Variants in MED6 observed in about 807,000 individuals in gnomAD.
MED6 encodes mediator of RNA polymerase II transcription subunit 6.
A neutral mutation model predicts 37.5 loss-of-function variants in MED6; 33 were observed. The observed-to-expected ratio is 0.88, with a 90% CI of 0.67 to 1.18. MED6 has a LOEUF of 1.18. Ranked by LOEUF, MED6 falls within the 50% of genes most tolerant of loss-of-function variation. The pLI, the probability that MED6 is intolerant of heterozygous loss-of-function variation, is 0.00. For missense variants in MED6, 235 were observed against 290.6 expected, an observed-to-expected ratio of 0.81 and a Z score of 1.39; for synonymous variants, 94 against 93.6, an observed-to-expected ratio of 1.00 and a Z score of -0.02.
At chr14:70,600,541 C>T (rs945422541) in intron 1 of MED6, 75 bp downstream of exon 1, 29 of 1,564,810 alleles carry the variant, frequency 1.9e-5, no homozygotes, top group African/African-American at 2.7e-5. Context: ...GAACCTAAAC[C>T]TTGAAACCGC....
At chr14:70,597,474 C>T in intron 2 of MED6, 144 bp downstream of exon 2, 1 of 509,756 alleles carries the variant, frequency 2.0e-6, no homozygotes. Flanking sequence ...AGTTACCCTG[C>T]ATGTCAAATT....
At chr14:70,590,073 T>C (rs1884824386) in intron 6 of MED6, among the ~76,000 whole-genome samples, 1 of 152,230 alleles carries the variant, frequency 6.6e-6, no homozygotes, top group African/African-American at 2.4e-5. Context: ...ACATTCTTTT[T>C]CATACAAGTC....
chr14:70,595,254 A>T, intron 3 of MED6: 1 of 546,670 alleles, frequency 1.8e-6, no homozygotes, highest in Non-Finnish European at 3.6e-6. Context: ...ATGAAGGTAG[A>T]TACCCCCAAA....
At position 70,598,050 on chromosome 14, in the gene MED6, T is replaced by G. The variant is rs79180225; in HGVS notation, c.23-273A>C. On this transcript the variant is annotated intron_variant, in intron 1 of 7. Transcript: ENST00000256379. ...GTGGCTCAGCCTGTAATGCCAGCAC[T>G]TTAGGGGGCTGAGGTAGGTGGATCA... Among the ~76,000 whole-genome samples, 1,271 of 152,132 alleles carry G rather than the reference T, an allele frequency of 8.4e-3. 20 individuals are homozygous for G. The highest frequency in any genetic ancestry group is 0.028 in the African/African-American group (1,152 of 41,498).
At chr14:70,592,754 A>T in intron 5 of MED6, 126 bp downstream of exon 5, 8 of 1,018,972 alleles carry the variant, frequency 7.9e-6, no homozygotes, top group Non-Finnish European at 1.1e-5. Flanking sequence ...CAGCTGCAAC[A>T]AAGCCATCAT....
At position 70,584,592 on chromosome 14, in the gene MED6, TC is replaced by T; in HGVS notation, c.*220del. On this transcript the variant is annotated 3_prime_UTR_variant, in exon 8 of 8. Coordinates refer to ENST00000256379, the MANE Select transcript of MED6 (RefSeq NM_005466.4). ...GGTTTCACCATATTGGTCAGGCTGG[TC>T]TTGAACTTCTGACCTCAAGTGATCC... 2.2e-6 allele frequency: 1 copy of T among 458,216 alleles called. No individual in the cohort carries two copies. Among genetic ancestry groups the T allele is most frequent in the Non-Finnish European group, 3.8e-6 (1 of 264,478 alleles). The allele number at this position is 458,216 out of a possible 1,614,324, so 28.4% of individuals were successfully genotyped here. A position where few individuals can be genotyped will look rare whatever the true frequency, so the allele number is the denominator to read the frequency against.
At chr14:70,590,701 T>C (rs1330813634) in intron 6 of MED6, among the ~76,000 whole-genome samples, 2 of 152,218 alleles carry the variant, frequency 1.3e-5, no homozygotes, top group South Asian at 2.1e-4. Flanking sequence ...TTTAGTAGAA[T>C]GGCAGGTGGA....
At chr14:70,589,293 C>T (rs1412370206) in intron 6 of MED6, among the ~76,000 whole-genome samples, 1 of 152,186 alleles carries the variant, frequency 6.6e-6, no homozygotes, top group Non-Finnish European at 1.5e-5. Context: ...CCTATGGCCA[C>T]AGAATTCAAG....
At chr14:70,585,872 T>C (rs902848185) in intron 6 of MED6, 89 bp from the exon 7 acceptor site, 7 of 1,020,572 alleles carry the variant, frequency 6.9e-6, no homozygotes, top group African/African-American at 3.3e-5. Flanking sequence ...CCTGATGTCA[T>C]ATTAATAAAA....
intron 5 of MED6, chr14:70,592,603 C>T (rs117792642): frequency 0.024 from 5,656 of 234,366 alleles, 95 homozygotes; most frequent in Middle Eastern, 0.043. Flanking sequence ...GCTGGGATTA[C>T]AGGAGTGAGC....
chr14:70,590,653 T>C (rs1884841299), intron 6 of MED6, among the ~76,000 whole-genome samples: 1 of 152,246 alleles, frequency 6.6e-6, no homozygotes, highest in African/African-American at 2.4e-5. Context: ...AGCATATTCA[T>C]CTATTCCATT....
At chr14:70,597,953 ATTAAGTC>A (rs1885092882) in intron 1 of MED6, 176 bp from the exon 2 acceptor site, 1 of 416,850 alleles carries the variant, frequency 2.4e-6, no homozygotes, top group South Asian at 6.1e-5. Flanking sequence ...CAATAACATG[ATTAAGTC>A]TTATGATAAA....
At chr14:70,592,690 T>C (rs1884916343) in intron 5 of MED6, 190 bp downstream of exon 5, 1 of 482,566 alleles carries the variant, frequency 2.1e-6, no homozygotes, top group East Asian at 3.9e-5. Context: ...CAGAGTGAAC[T>C]TGCATCTGTT....
At chr14:70,589,857 T>C (rs907709197) in intron 6 of MED6, among the ~76,000 whole-genome samples, 1 of 152,232 alleles carries the variant, frequency 6.6e-6, no homozygotes, top group Non-Finnish European at 1.5e-5. Flanking sequence ...CACTAACTCA[T>C]GTTTCTGGTT....
intron 6 of MED6, among the ~76,000 whole-genome samples, chr14:70,587,245 G>C (rs1884736647): frequency 6.6e-6 from 1 of 152,164 alleles, no homozygotes; most frequent in Non-Finnish European, 1.5e-5. Flanking sequence ...GATTCTTCCA[G>C]ACTCTGCTGT....
intron 6 of MED6, among the ~76,000 whole-genome samples, chr14:70,588,382 C>G (rs981089865): frequency 3.3e-5 from 5 of 151,942 alleles, no homozygotes; most frequent in African/African-American, 1.2e-4. Context: ...AATCTGCAGT[C>G]TGCTTAAAAA....
At chr14:70,585,855 T>G (rs1884692933) in intron 6 of MED6, 72 bp from the exon 7 acceptor site, 1 of 1,263,564 alleles carries the variant, frequency 7.9e-7, no homozygotes, top group African/African-American at 1.5e-5. Flanking sequence ...TGGCAAAATT[T>G]CTTCTTCCTG....
At chr14:70,599,067 C>T (rs1885127028) in intron 1 of MED6, among the ~76,000 whole-genome samples, 1 of 152,146 alleles carries the variant, frequency 6.6e-6, no homozygotes, top group African/African-American at 2.4e-5. Context: ...ACTGACTGTA[C>T]TGAACACCAC....
intron 3 of MED6, chr14:70,594,849 A>G (rs1884994248): frequency 1.5e-6 from 1 of 654,620 alleles, no homozygotes; most frequent in African/African-American, 1.8e-5. Context: ...ACCTGGACAG[A>G]GTGAGGAGCC....
Sources: gnomAD v4.1 joint callset for allele counts (sites outside exome capture counted in the v4.1 genomes callset) on GRCh38, gnomAD v4.1.1 for gene constraint, MANE v1.5 for transcripts, NCBI Gene and HGNC (gene_info 2026-07-23, HGNC 2026-07-21) for gene names.